Variants in PSME3IP1 observed in about 807,000 individuals in gnomAD.
PSME3IP1 encodes proteasome activator subunit 3 interacting protein 1, also known as PSME3-interacting protein.
PSME3IP1 carries 13 observed loss-of-function variants against 34.1 expected under a neutral mutation model. That is an observed-to-expected ratio of 0.38 (90% CI 0.25 to 0.61). The LOEUF is 0.61. Among genes scored for constraint, PSME3IP1 ranks in the 20% least tolerant of loss-of-function variants. The pLI is 0.60. For synonymous variants in PSME3IP1, 93 were observed against 114.3 expected, an observed-to-expected ratio of 0.81 and a Z score of 1.19; for missense variants, 237 against 301.4, an observed-to-expected ratio of 0.79 and a Z score of 1.58.
At chr16:57,166,332 AC>A (rs1304247905) in intron 5 of PSME3IP1, among the ~76,000 whole-genome samples, 1 of 152,222 alleles carries the variant, frequency 6.6e-6, no homozygotes, top group African/African-American at 2.4e-5. Flanking sequence ...GGAGGAGCAA[AC>A]ATAGCAAAGA....
In PSME3IP1 at chr16:57,164,053, G is replaced by C; in HGVS notation, c.495C>G (p.Gly165=). 6.2e-7 allele frequency: 1 copy of C among 1,614,030 alleles called. No homozygotes were observed. The highest frequency in any genetic ancestry group is 1.1e-5 in the South Asian group (1 of 91,078). ...CCGGTTTCAGTCTTTTCACACTGTT[G>C]CCACTCTCTGAGCTGTAACAAAACA... ...GAVKHKSSES[G]NSVKRLKPDP... is the part of the protein sequence containing the mutation. The change falls in exon 6 of 7, where the codon GGC becomes GGG. Residue 165 remains glycine (G), a synonymous_variant. Transcript: ENST00000309137.
At chr16:57,183,505 G>C (rs972186255) in intron 1 of PSME3IP1, among the ~76,000 whole-genome samples, 5 of 151,960 alleles carry the variant, frequency 3.3e-5, no homozygotes, top group African/African-American at 1.2e-4. Flanking sequence ...GCTAATTTTT[G>C]TATTTTTAGT....
intron 1 of PSME3IP1, chr16:57,178,525 T>C: frequency 6.1e-6 from 6 of 984,696 alleles, no homozygotes; most frequent in Non-Finnish European, 7.2e-6. Flanking sequence ...CACGAGGAGC[T>C]GAAGAATCTG....
At chr16:57,157,369 A>G (rs1294484057) in intron 6 of PSME3IP1, among the ~76,000 whole-genome samples, 1 of 151,850 alleles carries the variant, frequency 6.6e-6, no homozygotes. Flanking sequence ...CTCTGTGTGT[A>G]CTGTTATTGA....
chr16:57,174,067 G>GC (rs1435856778), intron 1 of PSME3IP1, 198 bp from the exon 2 acceptor site: 17 of 500,618 alleles, frequency 3.4e-5, no homozygotes, highest in African/African-American at 3.1e-4. Flanking sequence ...AGGCCGAGGC[G>GC]CATGGATCAC....
intron 1 of PSME3IP1, among the ~76,000 whole-genome samples, chr16:57,185,360 T>C (rs983589458): frequency 2.0e-5 from 3 of 152,186 alleles, no homozygotes; most frequent in Non-Finnish European, 2.9e-5. Flanking sequence ...TTTTCCGTAA[T>C]AGAAAATTCG....
chr16:57,173,607 C>A (rs1251437835), intron 2 of PSME3IP1, 121 bp downstream of exon 2: 4 of 1,223,194 alleles, frequency 3.3e-6, no homozygotes, highest in Non-Finnish European at 4.5e-6. Flanking sequence ...CCAGCCTGGG[C>A]AACAGAGTGA....
At position 57,154,190 on chromosome 16, in the gene PSME3IP1, C is replaced by G; in HGVS notation, c.*100G>C. 1.1e-6 allele frequency: 1 copy of G among 929,128 alleles called. No homozygotes were observed. Among genetic ancestry groups the G allele is most frequent in the African/African-American group, 1.6e-5 (1 of 60,896 alleles). 57.6% of individuals were successfully genotyped at this position (929,128 alleles called of 1,614,324 possible). On this transcript the variant is annotated 3_prime_UTR_variant, in exon 7 of 7. Transcript: ENST00000309137. The surrounding 1 kb of genome is among the most constrained non-coding windows in gnomAD (Gnocchi z 4.0). ...AAAATGTCATGTTGTACACAGGATG[C>G]AGGCAAAGGAGTTTTTTTTTGAGGG...
intron 3 of PSME3IP1, 145 bp from the exon 4 acceptor site, chr16:57,172,517 C>T: frequency 1.1e-6 from 1 of 899,840 alleles, no homozygotes; most frequent in Non-Finnish European, 1.7e-6. Flanking sequence ...GAATAGATAA[C>T]AGGGCATAAA....
chr16:57,158,200 A>G (rs2070784060), intron 6 of PSME3IP1, among the ~76,000 whole-genome samples: 1 of 152,260 alleles, frequency 6.6e-6, no homozygotes, highest in East Asian at 1.9e-4. Flanking sequence ...ACATCAAACT[A>G]TACCATTCAT....
intron 6 of PSME3IP1, among the ~76,000 whole-genome samples, chr16:57,157,789 T>C (rs1424306250): frequency 2.0e-5 from 3 of 152,166 alleles, no homozygotes; most frequent in African/African-American, 7.2e-5. Context: ...CAGACAGTTT[T>C]TTAAAATGCA....
chr16:57,185,710 G>T (rs1419940903), intron 1 of PSME3IP1, 111 bp downstream of exon 1: 1 of 985,354 alleles, frequency 1.0e-6, no homozygotes, highest in Admixed American at 6.1e-5. Context: ...GCGGGTGCGC[G>T]GACTGAGAAC....
At chr16:57,168,572 TGGGCAGATCAACTGA>T (rs2072175936) in intron 4 of PSME3IP1, among the ~76,000 whole-genome samples, 2 of 151,438 alleles carry the variant, frequency 1.3e-5, no homozygotes, top group African/African-American at 4.9e-5. Flanking sequence ...GAGGCCGAGG[TGGGCAGATCAACTGA>T]GGTCGGGAGT....
chr16:57,168,535 C>T (rs1431158780), intron 4 of PSME3IP1, among the ~76,000 whole-genome samples: 5 of 151,848 alleles, frequency 3.3e-5, no homozygotes, highest in Admixed American at 6.6e-5. Context: ...GGCACAGTGG[C>T]TCATGCCTGT....
At chr16:57,174,767 C>T (rs1280115787) in intron 1 of PSME3IP1, 32 of 831,778 alleles carry the variant, frequency 3.8e-5, no homozygotes, top group Non-Finnish European at 4.6e-5. Context: ...TTCAGTTCCA[C>T]GTACTTTCCT....
intron 5 of PSME3IP1, among the ~76,000 whole-genome samples, chr16:57,165,985 A>C (rs2071827222): frequency 6.6e-6 from 1 of 152,142 alleles, no homozygotes; most frequent in African/African-American, 2.4e-5. Flanking sequence ...GCGAGTCCCT[A>C]GTCTTGCAGG....
At chr16:57,163,148 G>C (rs1290157164) in intron 6 of PSME3IP1, among the ~76,000 whole-genome samples, 1 of 151,982 alleles carries the variant, frequency 6.6e-6, no homozygotes, top group South Asian at 2.1e-4. Flanking sequence ...CTGGGTGACA[G>C]AGTGAGACTC....
chr16:57,162,465 G>T (rs923547066), intron 6 of PSME3IP1, among the ~76,000 whole-genome samples: 2 of 151,904 alleles, frequency 1.3e-5, no homozygotes, highest in Non-Finnish European at 2.9e-5. Context: ...AGGAGTTCGA[G>T]ACCAGCCTGG....
intron 1 of PSME3IP1, among the ~76,000 whole-genome samples, chr16:57,178,113 A>T (rs1185646104): frequency 1.3e-5 from 2 of 152,236 alleles, no homozygotes; most frequent in African/African-American, 4.8e-5. Flanking sequence ...TGTAAGTTTA[A>T]AAAGACTAGA....
Sources: allele counts gnomAD v4.1 joint callset (sites outside exome capture counted in the v4.1 genomes callset), GRCh38; gene constraint gnomAD v4.1.1; non-coding constraint Gnocchi (gnomAD v3.1); transcripts MANE v1.5; gene names NCBI Gene and HGNC (gene_info 2026-07-23, HGNC 2026-07-21).